RYR3: variants seen among roughly 807,000 people sequenced by gnomAD.
The protein encoded by RYR3 is brain ryanodine receptor-calcium release channel.
Under a neutral mutation model 584.3 loss-of-function variants are expected in RYR3, and 207 were observed. That is an observed-to-expected ratio of 0.35 (90% CI 0.32 to 0.40). The LOEUF (loss-of-function observed/expected upper bound fraction) is 0.40. Ranked by LOEUF, RYR3 falls within the 10% of genes least tolerant of loss-of-function variation. The probability of loss-of-function intolerance (pLI) is 1.00; values close to 1 mark genes in which losing one functional copy is unlikely to be tolerated. For synonymous variants in RYR3, 2,416 were observed against 2,248.5 expected (o/e 1.07, Z -2.11); for missense variants, 5,616 against 6,089.2 (o/e 0.92, Z 2.59).
At chr15:33,491,373 C>T (rs1017374002) in intron 2 of RYR3, among the ~76,000 whole-genome samples, 4 of 152,218 alleles carry the variant, frequency 2.6e-5, no homozygotes, top group African/African-American at 9.6e-5. Flanking sequence ...TCATCTGTGT[C>T]TAGTTCACTA....
intron 2 of RYR3, among the ~76,000 whole-genome samples, chr15:33,494,258 A>C (rs2051227037): frequency 6.6e-6 from 1 of 152,184 alleles, no homozygotes; most frequent in Admixed American, 6.5e-5. Context: ...TCTTAAGTAA[A>C]TATTTAAGCT....
rs115130530 is a variant in RYR3 at position 33,703,191 on chromosome 15, A to G, written c.6483+2111A>G. On this transcript the variant is annotated intron_variant, in intron 42 of 103. Transcript: ENST00000634891. ...TTTTCAGTTAGTAAATTCTATTTCA[A>G]ATGCATTCAACTGATAATTACTGAG... 2.6e-3 allele frequency among the ~76,000 whole-genome samples: 395 copies of G among 152,316 alleles called. 1 individual carries two copies. The highest frequency in any genetic ancestry group is 9.2e-3 in the African/African-American group (382 of 41,558).
At chr15:33,649,763 G>C (rs559315801) in intron 31 of RYR3, among the ~76,000 whole-genome samples, 1 of 152,282 alleles carries the variant, frequency 6.6e-6, no homozygotes, top group African/African-American at 2.4e-5. Context: ...GCGCGTTCTA[G>C]GCATACCCAT....
chr15:33,765,435 C>T (rs938144210), intron 60 of RYR3, among the ~76,000 whole-genome samples: 2 of 152,004 alleles, frequency 1.3e-5, no homozygotes, highest in Non-Finnish European at 2.9e-5. Context: ...GAGTTCGAGA[C>T]CAGCCTGGCT....
At chr15:33,648,007 A>AAAAG (rs1413330939) in intron 30 of RYR3, among the ~76,000 whole-genome samples, 2 of 151,282 alleles carry the variant, frequency 1.3e-5, no homozygotes, top group Non-Finnish European at 2.9e-5. Flanking sequence ...AAAAAAAAAA[A>AAAAG]AAGCCTGTGG....
intron 30 of RYR3, among the ~76,000 whole-genome samples, chr15:33,647,784 T>A (rs998826575): frequency 6.6e-6 from 1 of 152,170 alleles, no homozygotes; most frequent in African/African-American, 2.4e-5. Flanking sequence ...ATTAAATCTT[T>A]TGGTTTGCCT....
At chr15:33,647,497 G>T (rs753864885) in intron 30 of RYR3, 37 bp downstream of exon 30, 59 of 1,507,214 alleles carry the variant, frequency 3.9e-5, no homozygotes, top group Non-Finnish European at 5.2e-5. Flanking sequence ...TTAATTATTT[G>T]ATTCTTTGTT....
chr15:33,449,903 C>T (rs1257461223), intron 1 of RYR3, among the ~76,000 whole-genome samples: 1 of 152,000 alleles, frequency 6.6e-6, no homozygotes, highest in Non-Finnish European at 1.5e-5. Context: ...GGGACAAAGG[C>T]AGCCGAGGAA....
chr15:33,860,756 G>C (rs1597107815), intron 101 of RYR3, 97 bp downstream of exon 101: 2 of 939,226 alleles, frequency 2.1e-6, no homozygotes. Flanking sequence ...CTTAGGGCCA[G>C]TACTAAGCAA....
At chr15:33,761,108 G>C (rs2072391034) in intron 60 of RYR3, among the ~76,000 whole-genome samples, 1 of 152,192 alleles carries the variant, frequency 6.6e-6, no homozygotes, top group Non-Finnish European at 1.5e-5. Context: ...GCAATGTTTA[G>C]AGGGAAATTT....
chr15:33,391,625 C>CAA (rs5811755), intron 1 of RYR3, among the ~76,000 whole-genome samples: 1 of 128,308 alleles, frequency 7.8e-6, no homozygotes, highest in Non-Finnish European at 1.7e-5. Context: ...GACTCTGTCT[C>CAA]AAAAAAAAAA....
intron 57 of RYR3, among the ~76,000 whole-genome samples, chr15:33,754,528 T>C (rs750581122): frequency 2.3e-4 from 35 of 152,180 alleles, no homozygotes; most frequent in Non-Finnish European, 4.1e-4. Flanking sequence ...CCTCATCTCC[T>C]TCAAGCCTTT....
chr15:33,575,023 A>G (rs1049432098), intron 12 of RYR3, among the ~76,000 whole-genome samples: 11 of 152,250 alleles, frequency 7.2e-5, no homozygotes, highest in Admixed American at 2.6e-4. Flanking sequence ...AGATCAAAAA[A>G]GACAAAGAAG....
intron 1 of RYR3, among the ~76,000 whole-genome samples, chr15:33,441,583 G>C (rs997956381): frequency 6.6e-6 from 1 of 151,644 alleles, no homozygotes; most frequent in African/African-American, 2.4e-5. Context: ...CTTGTTTCAG[G>C]GTCTAGACTC....
At chr15:33,629,231 T>C (rs900909692) in intron 21 of RYR3, among the ~76,000 whole-genome samples, 7 of 152,160 alleles carry the variant, frequency 4.6e-5, no homozygotes, top group Non-Finnish European at 5.9e-5. Context: ...ATTCAACAAA[T>C]GTTTGTTGAA....
chr15:33,457,888 T>G (rs1286452534), intron 1 of RYR3, among the ~76,000 whole-genome samples: 1 of 152,196 alleles, frequency 6.6e-6, no homozygotes, highest in Non-Finnish European at 1.5e-5. Flanking sequence ...TTGCTGTCCT[T>G]TGAAGCTATC....
chr15:33,669,856 GGGTGTGGGT>G (rs2063725404), intron 37 of RYR3, among the ~76,000 whole-genome samples: 1 of 47,346 alleles, frequency 2.1e-5, no homozygotes, highest in Admixed American at 2.9e-4. Context: ...GGGGGGGGGG[GGGTGTGGGT>G]GTGTGGGTGT....
chr15:33,717,217 C>A (rs1202095473), intron 43 of RYR3, among the ~76,000 whole-genome samples: 1 of 152,168 alleles, frequency 6.6e-6, no homozygotes, highest in Non-Finnish European at 1.5e-5. Context: ...TGTACTTTGC[C>A]AGCTTTGTCC....
intron 1 of RYR3, among the ~76,000 whole-genome samples, chr15:33,323,114 A>G (rs1390049543): frequency 6.6e-6 from 1 of 151,612 alleles, no homozygotes; most frequent in Non-Finnish European, 1.5e-5. Flanking sequence ...TTTAATACAT[A>G]TATATTTTTT....
Sources: allele counts gnomAD v4.1 joint callset (sites outside exome capture counted in the v4.1 genomes callset), GRCh38; gene constraint gnomAD v4.1.1; transcripts MANE v1.5; gene names NCBI Gene and HGNC (gene_info 2026-07-23, HGNC 2026-07-21).